The following KIF26A variants were observed in gnomAD, a reference collection of about 807,000 sequenced individuals.
The protein encoded by KIF26A is kinesin family member 26A.
In KIF26A, 74 loss-of-function variants were observed where a neutral mutation model predicts 126.0. The observed-to-expected ratio is 0.59, with a 90% CI of 0.49 to 0.71. KIF26A has a LOEUF of 0.71. Among genes scored for constraint, KIF26A ranks in the 30% least tolerant of loss-of-function variants. The pLI is 0.00. For missense variants in KIF26A, 2,984 were observed against 2,763.3 expected, an observed-to-expected ratio of 1.08 and a Z score of -1.79; for synonymous variants, 1,445 against 1,232.7, an observed-to-expected ratio of 1.17 and a Z score of -3.61.
At chr14:104,167,117 G>C in intron 5 of KIF26A, 69 bp downstream of exon 5, 2 of 1,401,074 alleles carry the variant, frequency 1.4e-6, no homozygotes, top group Non-Finnish European at 1.9e-6. Flanking sequence ...CGCAGGAGGG[G>C]TGAGGGAGTG....
chr14:104,154,783 G>T (rs773760202), intron 3 of KIF26A, among the ~76,000 whole-genome samples: 2 of 152,216 alleles, frequency 1.3e-5, no homozygotes, highest in Non-Finnish European at 2.9e-5. Context: ...AAGTGGCACC[G>T]TGGCCCTCCA....
intron 5 of KIF26A, among the ~76,000 whole-genome samples, chr14:104,168,762 G>A (rs926927038): frequency 6.6e-6 from 1 of 152,216 alleles, no homozygotes; most frequent in African/African-American, 2.4e-5. Flanking sequence ...GCGACATTCT[G>A]CATCCAAGGC....
intron 10 of KIF26A, 48 bp downstream of exon 10, chr14:104,173,916 A>T (rs777862825): frequency 2.8e-5 from 42 of 1,524,402 alleles, no homozygotes; most frequent in Admixed American, 7.7e-5. Context: ...CCCCTTGGTG[A>T]CCTGGTAAAT....
At chr14:104,141,010 C>T (rs1481358359) in intron 2 of KIF26A, among the ~76,000 whole-genome samples, 1 of 152,222 alleles carries the variant, frequency 6.6e-6, no homozygotes, top group Non-Finnish European at 1.5e-5. Flanking sequence ...TCCACTGTCT[C>T]TCCACAGGGC....
Position 104,180,558 on chromosome 14 carries a change from T to TAAA in KIF26A, c.*768_*769insAAA, listed in dbSNP as rs2038091732. 6.5e-6 allele frequency: 1 copy of TAAA among 152,704 alleles called. No individual in the cohort carries two copies. Among genetic ancestry groups the TAAA allele is most frequent in the Non-Finnish European group, 1.5e-5 (1 of 68,212 alleles). The allele number at this position is 152,704 out of a possible 1,614,324, so 9.5% of individuals were successfully genotyped here. On this transcript the variant is annotated 3_prime_UTR_variant, in exon 15 of 15. Coordinates refer to ENST00000423312, the MANE Select transcript of KIF26A (RefSeq NM_015656.2). ...TTAGGTTCATATTTTTATATCATTT[T>TAAA]GCCCATAAATGCGGAATTTGCCGTG...
chr14:104,141,849 G>C (rs964627492), intron 2 of KIF26A, among the ~76,000 whole-genome samples: 1 of 152,262 alleles, frequency 6.6e-6, no homozygotes, highest in Non-Finnish European at 1.5e-5. Context: ...CCCCTGAGCA[G>C]GTTCCCGAGA....
chr14:104,142,731 A>G (rs889553030), intron 2 of KIF26A, among the ~76,000 whole-genome samples: 1 of 152,160 alleles, frequency 6.6e-6, no homozygotes, highest in African/African-American at 2.4e-5. Context: ...CTGTTGTGGC[A>G]GACCTCTTCC....
Position 104,176,126 on chromosome 14 carries a change from GGC to G in KIF26A, c.3339_3340del (p.Trp1113CysfsTer13), listed in dbSNP as rs2038022579. 1 of 1,580,728 alleles carries G rather than the reference GGC, an allele frequency of 6.3e-7. No individual in the cohort carries two copies. Among genetic ancestry groups the G allele is most frequent in the Non-Finnish European group, 8.6e-7 (1 of 1,164,410 alleles). ...AGTCACGGCTCCTCCATCAGCTCCT[GGC>G]TCAGCGAGGTCAGCGTCTGCACTGC... is the stretch of plus-strand genomic sequence containing the variant. On this transcript the variant is annotated frameshift_variant, in exon 12 of 15. Coordinates refer to ENST00000423312, the MANE Select transcript of KIF26A (RefSeq NM_015656.2). LOFTEE classifies it high-confidence loss of function.
chr14:104,177,619 T>A lies in KIF26A; in HGVS notation c.4831T>A (p.Ser1611Thr). 1 of 1,524,850 alleles carries A rather than the reference T, an allele frequency of 6.6e-7. No individual in the cohort carries two copies. The highest frequency in any genetic ancestry group is 8.8e-7 in the Non-Finnish European group (1 of 1,140,780). The allele number at this position is 1,524,850 out of a possible 1,614,324, so 94.5% of individuals were successfully genotyped here. The change falls in exon 12 of 15, where the codon TCC becomes ACC. Residue 1611 changes from serine to threonine, a missense_variant. By Grantham distance (58) the Ser-to-Thr change is moderately conservative. Transcript: ENST00000423312. ...GCCACCCACGGGCCCGGCCCTGCCC[T>A]CCCCCTACAGCAAGGTGACCGCCCC... ...ERPPTGPALP[S>T]PYSKVTAPRR...
rs745753095 is a variant in KIF26A, at chr14:104,175,043, C to G, written c.2255C>G (p.Pro752Arg). 1.3e-6 allele frequency: 2 copies of G among 1,571,698 alleles called. No individual in the cohort carries two copies. The highest frequency in any genetic ancestry group is 2.3e-5 in the South Asian group (2 of 86,310). The change falls in exon 12 of 15, where the codon CCG becomes CGG. Residue 752 changes from proline to arginine, a missense_variant. Physicochemically the swap from Pro to Arg is moderately radical, Grantham distance 103. Transcript: ENST00000423312. ...SCEEGRARRP[P>R]HLRPFHPRTV... is the part of the protein sequence containing the mutation. ...GAGGAAGGCCGGGCCCGTCGGCCCC[C>G]GCACCTGCGGCCCTTCCACCCACGC...
chr14:104,173,314 T>G lies in KIF26A; in HGVS notation c.1684-16T>G. ...CTGAGCCACTGAAGACGCCGCTGCC[T>G]CTGCCTTTCCTGCAGCTCCAGAACC... On this transcript the variant is annotated splice_polypyrimidine_tract_variant and intron_variant, in intron 8 of 14. Transcript: ENST00000423312. 1 of 1,604,728 alleles carries G rather than the reference T, an allele frequency of 6.2e-7. No homozygotes were observed. Among genetic ancestry groups the G allele is most frequent in the Non-Finnish European group, 8.5e-7 (1 of 1,174,706 alleles).
chr14:104,142,042 T>C (rs938814524), intron 2 of KIF26A, among the ~76,000 whole-genome samples: 2 of 152,138 alleles, frequency 1.3e-5, no homozygotes, highest in African/African-American at 4.8e-5. Flanking sequence ...TACCTCTCCC[T>C]TGCTGTGTGC....
chr14:104,172,943 G>T, intron 7 of KIF26A, 34 bp from the exon 8 acceptor site: 1 of 1,547,008 alleles, frequency 6.5e-7, no homozygotes, highest in Non-Finnish European at 8.7e-7. Flanking sequence ...CTTGCGTGGT[G>T]TGTGGTGGGG....
chr14:104,179,132 C>T (rs2141122675), intron 13 of KIF26A, 104 bp from the exon 14 acceptor site: 1 of 1,304,998 alleles, frequency 7.7e-7, no homozygotes, highest in South Asian at 1.7e-5. Flanking sequence ...TGTGTGCCTG[C>T]CAAGGCCTGG....
Position 104,175,227 on chromosome 14 carries a change from C to T in KIF26A, c.2439C>T (p.Asp813=). Reference sequence around the variant, plus strand: ...TCACCGACAACGAAGGTCCGCCTGACTTCGTGCCCATCATCCCTGCCCTGA... The same window carrying T: ...TCACCGACAACGAAGGTCCGCCTGATTTCGTGCCCATCATCCCTGCCCTGA... ...RELTDNEGPP[D]FVPIIPALSR... Residue 813 remains aspartate, a synonymous_variant, in exon 12 of 15, where the codon GAC becomes GAT. Coordinates refer to ENST00000423312, the MANE Select transcript of KIF26A (RefSeq NM_015656.2). 1 of 1,609,694 alleles carries T rather than the reference C, an allele frequency of 6.2e-7. No homozygotes were observed. The highest frequency in any genetic ancestry group is 8.5e-7 in the Non-Finnish European group (1 of 1,179,526).
In KIF26A at chr14:104,177,514, C is replaced by T. The variant is rs777579986; in HGVS notation, c.4726C>T (p.Pro1576Ser). ...RVHELSASGA[P>S]GRGGSSWGSA... ...CCATGAGCTGTCAGCCAGTGGAGCCCCGGGCCGAGGTGGCTCCTCGTGGGG... is the reference window on the plus strand; with the variant it reads ...CCATGAGCTGTCAGCCAGTGGAGCCTCGGGCCGAGGTGGCTCCTCGTGGGG... The change falls in exon 12 of 15, where the codon CCG (proline) becomes TCG (serine). Residue 1576 changes from proline (P) to serine (S), a missense_variant. Coordinates refer to ENST00000423312, the MANE Select transcript of KIF26A (RefSeq NM_015656.2). 6.5e-7 allele frequency: 1 copy of T among 1,535,266 alleles called. No individual in the cohort carries two copies. The highest frequency in any genetic ancestry group is 1.2e-5 in the South Asian group (1 of 83,876).
In KIF26A at chr14:104,138,630, G is replaced by A; in HGVS notation, c.-93G>A. ...CTTCCGAGCGGCTGGGCCGGGCCAT[G>A]GGGGCGCCTCGGGGCCGGATCACGT... On this transcript the variant is annotated 5_prime_UTR_variant, in exon 1 of 15. It removes an upstream start codon present in the reference 5' UTR. Transcript: ENST00000423312. 1.9e-6 allele frequency: 2 copies of A among 1,032,620 alleles called. No individual in the cohort carries two copies. Among genetic ancestry groups the A allele is most frequent in the Non-Finnish European group, 2.5e-6 (2 of 815,788 alleles). The allele number at this position is 1,032,620 out of a possible 1,614,324, so 64.0% of individuals were successfully genotyped here. A position where few individuals can be genotyped will look rare whatever the true frequency, so the allele number is the denominator to read the frequency against.
rs572703936 is a variant in KIF26A at position 104,140,024 on chromosome 14, C to T, written c.288+736C>T. On this transcript the variant is annotated intron_variant, in intron 2 of 14. Transcript: ENST00000423312. ...GCTGGAAGTTTGCAAAGGCTGGGGG[C>T]GGGTGGGGGTCTCCAGAGGAAGCCC... Among the ~76,000 whole-genome samples, 204 of 152,122 alleles carry T rather than the reference C, an allele frequency of 1.3e-3. 2 individuals carry two copies. Among genetic ancestry groups the T allele is most frequent in the Non-Finnish European group, 2.1e-4 (14 of 67,990 alleles).
rs1473082440 is a variant in KIF26A, at chr14:104,178,537, C to T, written c.5111-13C>T. The T allele has an allele frequency of 4.8e-6, 7 of 1,445,498 alleles. No individual in the cohort carries two copies. Among genetic ancestry groups the T allele is most frequent in the Non-Finnish European group, 6.4e-6 (7 of 1,097,066 alleles). The allele number at this position is 1,445,498 out of a possible 1,614,324, so 89.5% of individuals were successfully genotyped here. Reference sequence around the variant, plus strand: ...CCGCCTCTGTTCACCCTGTGCCCGGCTCTCCGTTCCAGGTCTGCAGCGGCG... The same window carrying T: ...CCGCCTCTGTTCACCCTGTGCCCGGTTCTCCGTTCCAGGTCTGCAGCGGCG... On this transcript the variant is annotated splice_polypyrimidine_tract_variant and intron_variant, in intron 12 of 14. Transcript: ENST00000423312.
Sources: gnomAD v4.1 joint callset for allele counts (sites outside exome capture counted in the v4.1 genomes callset) on GRCh38, gnomAD v4.1.1 for gene constraint, MANE v1.5 for transcripts, NCBI Gene and HGNC (gene_info 2026-07-23, HGNC 2026-07-21) for gene names.